TRIM65: variants seen among roughly 807,000 people sequenced by gnomAD.
The protein encoded by TRIM65 is tripartite motif containing 65.
A neutral mutation model predicts 36.1 loss-of-function variants in TRIM65; 46 were observed. The observed-to-expected ratio is 1.27, with a 90% CI of 1.01 to 1.63. The LOEUF (loss-of-function observed/expected upper bound fraction) is 1.63. TRIM65 is among the 40% of genes most tolerant of loss of function. TRIM65 has a pLI of 0.00. For missense variants in TRIM65, 708 were observed against 696.6 expected (o/e 1.02, Z -0.18); for synonymous variants, 346 against 313.6 (o/e 1.10, Z -1.09).
chr17:75,895,449 C>A (rs1465622296), intron 1 of TRIM65, among the ~76,000 whole-genome samples: 1 of 152,156 alleles, frequency 6.6e-6, no homozygotes, highest in Non-Finnish European at 1.5e-5. Flanking sequence ...TCCCCCAGGA[C>A]CCTGCCCGAT....
downstream of TRIM65, among the ~76,000 whole-genome samples, chr17:75,884,863 TCATGTAATCCGCC>T (rs980871263): frequency 3.3e-5 from 5 of 152,030 alleles, no homozygotes; most frequent in African/African-American, 1.2e-4. Flanking sequence ...ACTCCTGGGC[TCATGTAATCCGCC>T]CATCACAGCC....
At chr17:75,882,969 C>T (rs2065177670) in intron 4 of TRIM65, among the ~76,000 whole-genome samples, 1 of 148,096 alleles carries the variant, frequency 6.8e-6, no homozygotes, top group Admixed American at 6.6e-5. Flanking sequence ...CACATTAAGA[C>T]CCTGTCTCTG....
chr17:75,892,589 G>A, intron 2 of TRIM65, 89 bp from the exon 3 acceptor site: 5 of 1,349,298 alleles, frequency 3.7e-6, no homozygotes, highest in Non-Finnish European at 4.1e-6. Flanking sequence ...CTGGGCTGAG[G>A]GTCAGGGATG....
At position 75,891,096 on chromosome 17, in the gene TRIM65, T is replaced by C; in HGVS notation, c.1237A>G (p.Thr413Ala). 6.2e-7 allele frequency: 1 copy of C among 1,610,378 alleles called. No individual in the cohort carries two copies. The highest frequency in any genetic ancestry group is 8.5e-7 in the Non-Finnish European group (1 of 1,179,832). Reference sequence around the variant, plus strand: ...CAGGGTCCCCGGCCAATGTTGTCTGTGTGGGGCCCCAGCCTGCACCGTGGC... The same window carrying C: ...CAGGGTCCCCGGCCAATGTTGTCTGCGTGGGGCCCCAGCCTGCACCGTGGC... ...QLPRCRLGPH[T>A]DNIGRGPCSW... The change falls in exon 6 of 6, where the codon ACA becomes GCA. Residue 413 changes from threonine to alanine, a missense_variant. Transcript: ENST00000269383.
Position 75,896,544 on chromosome 17 carries a change from C to T in TRIM65, c.394G>A (p.Ala132Thr). ...CRLHERALLD[A>T]ERLKREAQLR... ...GTCACCTCGCGCTTGAGGCGCTCGG[C>T]ATCCAGCAGCGCCCGCTCGTGGAGG... is the stretch of plus-strand genomic sequence containing the variant. Residue 132 changes from alanine (A) to threonine (T), a missense_variant, in exon 1 of 6, where the codon GCC becomes ACC. Physicochemically the swap from Ala to Thr is moderately conservative, Grantham distance 58. Coordinates refer to ENST00000269383, the MANE Select transcript of TRIM65 (RefSeq NM_173547.4). The T allele has an allele frequency of 7.4e-7, 1 of 1,354,168 alleles. No homozygotes were observed. The highest frequency in any genetic ancestry group is 1.5e-5 in the African/African-American group (1 of 65,440). 83.9% of individuals were successfully genotyped at this position (1,354,168 alleles called of 1,614,324 possible).
At position 75,892,060 on chromosome 17, in the gene TRIM65, C is replaced by T; in HGVS notation, c.870G>A (p.Glu290=). 1 of 1,551,860 alleles carries T rather than the reference C, an allele frequency of 6.4e-7. No individual in the cohort carries two copies. Among genetic ancestry groups the T allele is most frequent in the South Asian group, 1.2e-5 (1 of 84,102 alleles). The stretch of plus-strand genomic sequence containing the variant: ...TGGCTGGTGCCCCAGGGTGGCTCCC[C>T]TCTTCCAAGAGGAGGCCACACAGCC... ...LSRLCGLLLE[E]GSHPGAPAKP... is the part of the protein sequence containing the mutation. The change falls in exon 4 of 6, where the codon GAG becomes GAA. Residue 290 remains glutamate, a synonymous_variant. Coordinates refer to ENST00000269383, the MANE Select transcript of TRIM65 (RefSeq NM_173547.4).
At position 75,891,046 on chromosome 17, in the gene TRIM65, C is replaced by T. The variant is rs974626012; in HGVS notation, c.1287G>A (p.Glu429=). 2 of 1,612,514 alleles carry T rather than the reference C, an allele frequency of 1.2e-6. No homozygotes were observed. Among genetic ancestry groups the T allele is most frequent in the Middle Eastern group, 1.7e-4 (1 of 6,046 alleles). The change falls in exon 6 of 6, where the codon GAG becomes GAA. Residue 429 remains glutamate (E), a synonymous_variant. Coordinates refer to ENST00000269383, the MANE Select transcript of TRIM65 (RefSeq NM_173547.4). ...GPCSWGLCVQ[E]DSLQAWHNGE... ...CGTTGTGCCAGGCCTGGAGGCTGTCCTCCTGGACGCAGAGCCCCCAGGAGC... is the reference window on the plus strand; with the variant it reads ...CGTTGTGCCAGGCCTGGAGGCTGTCTTCCTGGACGCAGAGCCCCCAGGAGC...
chr17:75,881,056 G>A (rs1238727398), intron 4 of TRIM65, among the ~76,000 whole-genome samples: 3 of 149,932 alleles, frequency 2.0e-5, no homozygotes, highest in African/African-American at 7.6e-5. Flanking sequence ...GACCAGCCTG[G>A]TTAACATGGC....
At chr17:75,893,802 T>C (rs1376288787) in intron 1 of TRIM65, among the ~76,000 whole-genome samples, 1 of 151,638 alleles carries the variant, frequency 6.6e-6, no homozygotes, top group East Asian at 1.9e-4. Flanking sequence ...GGCACCCCCA[T>C]GTCCCTTTCC....
downstream of TRIM65, among the ~76,000 whole-genome samples, chr17:75,884,849 C>G (rs955295328): frequency 1.3e-5 from 2 of 152,040 alleles, no homozygotes; most frequent in South Asian, 4.2e-4. Context: ...CACGCTGGTC[C>G]TGAACTCCTG....
intron 2 of TRIM65, 69 bp downstream of exon 2, chr17:75,892,686 G>A: frequency 6.8e-7 from 1 of 1,464,946 alleles, no homozygotes; most frequent in Non-Finnish European, 9.3e-7. Context: ...GGTGTTCCAG[G>A]GACCAGCTGG....
Position 75,892,103 on chromosome 17 carries a change from A to T in TRIM65, c.827T>A (p.Leu276Gln). Residue 276 changes from leucine (L) to glutamine (Q), a missense_variant, in exon 4 of 6, where the codon CTG (leucine) becomes CAG (glutamine). By Grantham distance (113) the Leu-to-Gln change is moderately radical. Transcript: ENST00000269383. ...QWDEDQQLGDLKQLLSRLCGL... is the reference protein window; with the variant it reads ...QWDEDQQLGDQKQLLSRLCGL... ...ACACAGCCGGCTTAGCAACTGCTTCAGGTCACCCAGCTGTTGGTCTTCATC... is the reference window on the plus strand; with the variant it reads ...ACACAGCCGGCTTAGCAACTGCTTCTGGTCACCCAGCTGTTGGTCTTCATC... 1 of 1,556,994 alleles carries T rather than the reference A, an allele frequency of 6.4e-7. No homozygotes were observed. Among genetic ancestry groups the T allele is most frequent in the Non-Finnish European group, 8.7e-7 (1 of 1,149,870 alleles).
At position 75,896,538 on chromosome 17, in the gene TRIM65, G is replaced by T. The variant is rs2065349174; in HGVS notation, c.400C>A (p.Arg134Ser). 3.0e-6 allele frequency: 4 copies of T among 1,349,048 alleles called. No individual in the cohort carries two copies. In the African/African-American group the frequency reaches 4.6e-5, roughly 15 times the overall value. The allele number at this position is 1,349,048 out of a possible 1,614,324, so 83.6% of individuals were successfully genotyped here. A position where few individuals can be genotyped will look rare whatever the true frequency, so the allele number is the denominator to read the frequency against. ...GGATGCGTCACCTCGCGCTTGAGGC[G>T]CTCGGCATCCAGCAGCGCCCGCTCG... is the stretch of plus-strand genomic sequence containing the variant. ...LHERALLDAE[R>S]LKREAQLRAS... Residue 134 changes from arginine (R) to serine (S), a missense_variant, in exon 1 of 6, where the codon CGC becomes AGC. Coordinates refer to ENST00000269383, the MANE Select transcript of TRIM65 (RefSeq NM_173547.4).
chr17:75,894,622 C>T (rs1016081489), intron 1 of TRIM65, among the ~76,000 whole-genome samples: 1 of 152,238 alleles, frequency 6.6e-6, no homozygotes, highest in African/African-American at 2.4e-5. Context: ...CTCCGCCTCC[C>T]GGGTTCACGC....
chr17:75,887,416 A>T (rs1402380140), downstream of TRIM65, among the ~76,000 whole-genome samples: 1 of 151,920 alleles, frequency 6.6e-6, no homozygotes, highest in Non-Finnish European at 1.5e-5. Flanking sequence ...TGTGGAAGGC[A>T]GGGGTTGCAC....
At chr17:75,881,171 A>G (rs978548566) in intron 4 of TRIM65, among the ~76,000 whole-genome samples, 4 of 140,802 alleles carry the variant, frequency 2.8e-5, no homozygotes, top group Admixed American at 2.4e-4. Flanking sequence ...AATCGCTTGA[A>G]CCAAGGAGGC....
At chr17:75,892,668 T>G in intron 2 of TRIM65, 87 bp downstream of exon 2, 1 of 1,374,878 alleles carries the variant, frequency 7.3e-7, no homozygotes, top group South Asian at 1.2e-5. Flanking sequence ...CCCCGCTCCC[T>G]GCTGCCTGGT....
chr17:75,884,874 G>A (rs1219344787), downstream of TRIM65, among the ~76,000 whole-genome samples: 3 of 151,254 alleles, frequency 2.0e-5, no homozygotes, highest in East Asian at 3.9e-4. Flanking sequence ...CATGTAATCC[G>A]CCCATCACAG....
rs1443895105 is a variant in TRIM65 at position 75,890,801 on chromosome 17, G to A, written c.1532C>T (p.Pro511Leu). Residue 511 changes from proline to leucine, a missense_variant, in exon 6 of 6, where the codon CCC becomes CTC. Transcript: ENST00000269383. ...TCTTCAGCTGAGCACCTCTTCCTGG[G>A]GCCCCAGAGGGAACACAGCCCCTGG... ...HQPGAVFPLG[P>L]QEEVLS is the part of the protein sequence containing the mutation. 3 of 1,491,028 alleles carry A rather than the reference G, an allele frequency of 2.0e-6. No individual in the cohort carries two copies. Among genetic ancestry groups the A allele is most frequent in the African/African-American group, 1.4e-5 (1 of 70,360 alleles). 92.4% of individuals were successfully genotyped at this position (1,491,028 alleles called of 1,614,324 possible). A position where few individuals can be genotyped will look rare whatever the true frequency, so the allele number is the denominator to read the frequency against.
Sources: gnomAD v4.1 joint callset for allele counts (sites outside exome capture counted in the v4.1 genomes callset) on GRCh38, gnomAD v4.1.1 for gene constraint, MANE v1.5 for transcripts, NCBI Gene and HGNC (gene_info 2026-07-23, HGNC 2026-07-21) for gene names.